SLC45A4: variants seen among roughly 807,000 people sequenced by gnomAD.
SLC45A4 encodes the protein solute carrier family 45 member 4.
SLC45A4 carries 32 observed loss-of-function variants against 63.7 expected under a neutral mutation model. The observed-to-expected ratio is 0.50, with a 90% CI of 0.38 to 0.67. The LOEUF is 0.67. Among genes scored for constraint, SLC45A4 ranks in the 30% least tolerant of loss-of-function variants. SLC45A4 has a pLI of 0.00. For missense variants in SLC45A4, 1,027 were observed against 1,157.7 expected (o/e 0.89, Z 1.64); for synonymous variants, 535 against 510.0 (o/e 1.05, Z -0.66).
chr8:141,265,503 T>C (rs879626662), intron 1 of SLC45A4, among the ~76,000 whole-genome samples: 3 of 152,206 alleles, frequency 2.0e-5, no homozygotes, highest in Non-Finnish European at 2.9e-5. Flanking sequence ...GTCACTTTCT[T>C]AGAGCAAGCA....
intron 3 of SLC45A4, among the ~76,000 whole-genome samples, chr8:141,221,207 A>G (rs1414797469): frequency 6.6e-6 from 1 of 152,274 alleles, no homozygotes; most frequent in Non-Finnish European, 1.5e-5. Context: ...AACAACCAAG[A>G]AGGCAAAACA....
At chr8:141,255,974 G>A (rs976133711) in intron 1 of SLC45A4, among the ~76,000 whole-genome samples, 2 of 152,080 alleles carry the variant, frequency 1.3e-5, no homozygotes, top group Non-Finnish European at 2.9e-5. Context: ...GGGGTTCGGA[G>A]ACTCCCAACC....
chr8:141,238,512 C>T (rs1273702983), intron 2 of SLC45A4, among the ~76,000 whole-genome samples: 2 of 152,216 alleles, frequency 1.3e-5, no homozygotes, highest in African/African-American at 4.8e-5. Flanking sequence ...ATTCTGCTTT[C>T]TGCCTCTATG....
intron 2 of SLC45A4, chr8:141,230,309 G>A (rs566241298): frequency 2.0e-5 from 7 of 355,634 alleles, no homozygotes; most frequent in East Asian, 1.5e-4. Flanking sequence ...AGGGAGGGCC[G>A]CTCCTGAAGT....
chr8:141,284,564 G>A (rs530313393), intron 1 of SLC45A4, among the ~76,000 whole-genome samples: 10 of 152,310 alleles, frequency 6.6e-5, no homozygotes, highest in East Asian at 5.8e-4. Context: ...AAAATAAGCC[G>A]TTCTTCCTAT....
intron 2 of SLC45A4, among the ~76,000 whole-genome samples, chr8:141,223,284 G>A (rs575813284): frequency 2.5e-4 from 38 of 152,332 alleles, no homozygotes; most frequent in Admixed American, 2.2e-3. Flanking sequence ...TTCAGGAAAC[G>A]AGAAGTATGT....
intron 1 of SLC45A4, among the ~76,000 whole-genome samples, chr8:141,304,574 G>GGA (rs1563687603): frequency 8.3e-6 from 1 of 120,342 alleles, no homozygotes; most frequent in Non-Finnish European, 1.9e-5. Context: ...AAAAAAAAAA[G>GGA]GGGGGGAGAG....
intron 2 of SLC45A4, among the ~76,000 whole-genome samples, chr8:141,230,649 C>T (rs925990536): frequency 8.6e-5 from 13 of 151,778 alleles, no homozygotes; most frequent in East Asian, 1.9e-4. Context: ...CCCGAGCGCA[C>T]GCTGTGTCTG....
chr8:141,212,984 G>T (rs1298849418), intron 7 of SLC45A4, among the ~76,000 whole-genome samples: 1 of 152,242 alleles, frequency 6.6e-6, no homozygotes, highest in African/African-American at 2.4e-5. Flanking sequence ...TGCAACAAAG[G>T]CTGGACCCAC....
intron 1 of SLC45A4, among the ~76,000 whole-genome samples, chr8:141,270,454 G>A (rs1437032661): frequency 2.0e-5 from 3 of 151,216 alleles, no homozygotes; most frequent in Non-Finnish European, 4.4e-5. Context: ...CGGGAGAATC[G>A]CCTGAGCTCA....
chr8:141,292,405 CCCAACAGGGAA>C (rs1250268189), intron 1 of SLC45A4, among the ~76,000 whole-genome samples: 1 of 152,252 alleles, frequency 6.6e-6, no homozygotes, highest in Non-Finnish European at 1.5e-5. Context: ...ACAGCTCCCA[CCCAACAGGGAA>C]CCACACAAGG....
rs959036325 is a variant in SLC45A4 at position 141,281,242 on chromosome 8, G to A, written c.-400-26613C>T. ...TAATCCCAGCTACTTGGGAGGCTGA[G>A]GTAGGAGAATCACTTGAACCCGGGA... On this transcript the variant is annotated intron_variant, in intron 1 of 8. Transcript: ENST00000517878. Among the ~76,000 whole-genome samples, 11 of 152,342 alleles carry A rather than the reference G, an allele frequency of 7.2e-5. No homozygotes were observed. The East Asian group carries it at 1.7e-3, about 24-fold the overall frequency.
chr8:141,221,699 G>A lies in SLC45A4; in HGVS notation c.308C>T (p.Pro103Leu). The A allele has an allele frequency of 6.2e-7, 1 of 1,614,122 alleles. No homozygotes were observed. Among genetic ancestry groups the A allele is most frequent in the Non-Finnish European group, 8.5e-7 (1 of 1,180,034 alleles). The change falls in exon 3 of 9, where the codon CCT becomes CTT. Residue 103 changes from proline (P) to leucine (L), a missense_variant. Coordinates refer to ENST00000517878, the MANE Select transcript of SLC45A4 (RefSeq NM_001286646.2). ...CCGGTCACTCGCAGACCCAATGAGA[G>A]GTGTGAAGATGAGGCCAAGGATGGG... ...LSPILGLIFT[P>L]LIGSASDRCT...
intron 1 of SLC45A4, among the ~76,000 whole-genome samples, chr8:141,271,754 C>G (rs1829530998): frequency 6.6e-6 from 1 of 152,232 alleles, no homozygotes; most frequent in African/African-American, 2.4e-5. Flanking sequence ...TGACACCACC[C>G]CAGCACCAAC....
chr8:141,272,030 C>G (rs1829558864), intron 1 of SLC45A4, among the ~76,000 whole-genome samples: 1 of 152,066 alleles, frequency 6.6e-6, no homozygotes, highest in South Asian at 2.1e-4. Flanking sequence ...TACACACATG[C>G]ATTCACACAC....
At chr8:141,223,855 C>G (rs893093419) in intron 2 of SLC45A4, among the ~76,000 whole-genome samples, 6 of 152,232 alleles carry the variant, frequency 3.9e-5, no homozygotes, top group Admixed American at 2.0e-4. Flanking sequence ...AGTCTGGCAC[C>G]AGATGGGACC....
At chr8:141,262,861 T>C (rs1292838479) in intron 1 of SLC45A4, among the ~76,000 whole-genome samples, 2 of 149,902 alleles carry the variant, frequency 1.3e-5, no homozygotes, top group Non-Finnish European at 3.0e-5. Context: ...ATCCCATTAC[T>C]GGGTATATAC....
In SLC45A4 at chr8:141,227,005, C is replaced by T. The variant is rs976040886; in HGVS notation, c.242-5240G>A. 2.2e-4 allele frequency: 33 copies of T among 152,274 alleles called. No homozygotes were observed. The highest frequency in any genetic ancestry group is 7.2e-4 in the African/African-American group (30 of 41,470). The allele number at this position is 152,274 out of a possible 1,614,324, so 9.4% of individuals were successfully genotyped here. A position where few individuals can be genotyped will look rare whatever the true frequency, so the allele number is the denominator to read the frequency against. On this transcript the variant is annotated intron_variant, in intron 2 of 8. Coordinates refer to ENST00000517878, the MANE Select transcript of SLC45A4 (RefSeq NM_001286646.2). The surrounding 1 kb of genome is among the most constrained non-coding windows in gnomAD (Gnocchi z 4.4). Reference sequence around the variant, plus strand: ...CCCTGCCTCGCAGGTCCTGCTCTGACGTCCCCGGCGGTGAGAACTCGGTCT... The same window carrying T: ...CCCTGCCTCGCAGGTCCTGCTCTGATGTCCCCGGCGGTGAGAACTCGGTCT...
At chr8:141,263,434 A>C (rs1563657000) in intron 1 of SLC45A4, among the ~76,000 whole-genome samples, 4 of 151,858 alleles carry the variant, frequency 2.6e-5, no homozygotes, top group African/African-American at 9.7e-5. Flanking sequence ...AAAAATAAAT[A>C]AATAAATAAA....
Sources: gnomAD v4.1 joint callset for allele counts (sites outside exome capture counted in the v4.1 genomes callset) on GRCh38, gnomAD v4.1.1 for gene constraint, Gnocchi (gnomAD v3.1) non-coding constraint, MANE v1.5 for transcripts, NCBI Gene and HGNC (gene_info 2026-07-23, HGNC 2026-07-21) for gene names.